ERGIC1: variants seen among roughly 807,000 people sequenced by gnomAD.
ERGIC1 encodes the protein endoplasmic reticulum-Golgi intermediate compartment protein 1.
In ERGIC1, 19 loss-of-function variants were observed where a neutral mutation model predicts 38.3. The ratio of observed to expected loss-of-function variants is 0.50; its 90% CI spans 0.35 to 0.73. The LOEUF is 0.73. ERGIC1 is among the 30% of genes least tolerant of loss of function. The pLI is 0.01. For synonymous variants in ERGIC1, 124 were observed against 157.6 expected (o/e 0.79, Z 1.60); for missense variants, 294 against 389.2 (o/e 0.76, Z 2.06).
At chr5:172,943,984 C>T (rs188277710) in intron 9 of ERGIC1, among the ~76,000 whole-genome samples, 99 of 152,318 alleles carry the variant, frequency 6.5e-4, no homozygotes, top group African/African-American at 2.2e-3. Flanking sequence ...ATTCTAGTCA[C>T]AGTGGAAGGC....
At chr5:172,923,561 G>A (rs571225049) in intron 5 of ERGIC1, among the ~76,000 whole-genome samples, 39 of 152,268 alleles carry the variant, frequency 2.6e-4, no homozygotes, top group African/African-American at 8.2e-4. Context: ...GGGATCCCCC[G>A]TCTAGGGCAC....
intron 3 of ERGIC1, chr5:172,898,174 T>G (rs772487126): frequency 9.6e-6 from 3 of 312,342 alleles, no homozygotes; most frequent in Non-Finnish European, 1.7e-5. Context: ...ATGGGATTTC[T>G]TGGTTTCCTT....
chr5:172,855,314 G>A (rs967480529), intron 1 of ERGIC1, among the ~76,000 whole-genome samples: 2 of 152,140 alleles, frequency 1.3e-5, no homozygotes, highest in East Asian at 1.9e-4. Flanking sequence ...GGTGCTCCAC[G>A]CCCCATACCT....
chr5:172,897,422 C>T (rs535290249), intron 3 of ERGIC1, among the ~76,000 whole-genome samples: 2 of 131,480 alleles, frequency 1.5e-5, no homozygotes, highest in South Asian at 4.9e-4. Flanking sequence ...AAGCAAGACC[C>T]TGTTTCAAAA....
chr5:172,877,128 C>T (rs371311056), intron 1 of ERGIC1, among the ~76,000 whole-genome samples: 1 of 152,102 alleles, frequency 6.6e-6, no homozygotes, highest in African/African-American at 2.4e-5. Flanking sequence ...TTCACAGTTG[C>T]TTTGGCTGTT....
chr5:172,842,338 A>G (rs192067867), intron 1 of ERGIC1, among the ~76,000 whole-genome samples: 1 of 152,334 alleles, frequency 6.6e-6, no homozygotes, highest in East Asian at 1.9e-4. Context: ...CACCAGTTTC[A>G]TCAATGGTGT....
At chr5:172,914,613 C>T in intron 4 of ERGIC1, 101 bp from the exon 5 acceptor site, 1 of 1,600,164 alleles carries the variant, frequency 6.2e-7, no homozygotes, top group Non-Finnish European at 8.5e-7. Flanking sequence ...GCCCGGCCTG[C>T]CCCTGCAATG....
intron 1 of ERGIC1, among the ~76,000 whole-genome samples, chr5:172,852,070 C>A (rs1761423378): frequency 6.6e-6 from 1 of 151,712 alleles, no homozygotes; most frequent in African/African-American, 2.4e-5. Flanking sequence ...AATGGGTGAA[C>A]CAGCCAAAAG....
At chr5:172,852,010 T>G (rs1359700559) in intron 1 of ERGIC1, among the ~76,000 whole-genome samples, 4 of 152,102 alleles carry the variant, frequency 2.6e-5, no homozygotes, top group Admixed American at 2.6e-4. Flanking sequence ...CAGGCCTGTG[T>G]CTGGAAATCC....
chr5:172,846,630 A>G lies in ERGIC1; in HGVS notation c.20+12197A>G, dbSNP rs1182139486. Among the ~76,000 whole-genome samples, 1 of 152,214 alleles carries G rather than the reference A, an allele frequency of 6.6e-6. No individual in the cohort carries two copies. The highest frequency in any genetic ancestry group is 2.4e-5 in the African/African-American group (1 of 41,452). On this transcript the variant is annotated intron_variant, in intron 1 of 9. Transcript: ENST00000393784. This position sits in a 1 kb window ranked among gnomAD's most constrained non-coding sequence, Gnocchi z 4.0. ...GTAAGAAGAGCCAATAAGAAGGGCT[A>G]TAGGAACCATGTCATAAGAGTAACC...
At position 172,893,925 on chromosome 5, in the gene ERGIC1, G is replaced by GA. The variant is rs1561721921; in HGVS notation, c.83-3077_83-3076insA. Among the ~76,000 whole-genome samples the GA allele has an allele frequency of 1.3e-4, 8 of 63,394 alleles. 1 individual carries two copies. The highest frequency in any genetic ancestry group is 4.7e-4 in the African/African-American group (8 of 17,100). 41.6% of individuals were successfully genotyped at this position (63,394 alleles called of 152,430 possible). A position where few individuals can be genotyped will look rare whatever the true frequency, so the allele number is the denominator to read the frequency against. On this transcript the variant is annotated intron_variant, in intron 2 of 9. Transcript: ENST00000393784. ...TATATATGTGTGTGTGTGTGTGTGTGTGTGTGTGTGTATATATATATATAT... is the reference window on the plus strand; with the variant it reads ...TATATATGTGTGTGTGTGTGTGTGTGATGTGTGTGTGTATATATATATATAT...
intron 7 of ERGIC1, chr5:172,931,084 C>A (rs1356377466): frequency 1.3e-5 from 2 of 152,130 alleles, no homozygotes; most frequent in African/African-American, 4.8e-5. Context: ...GCATTCCCAG[C>A]CTTCTTACAG....
intron 1 of ERGIC1, among the ~76,000 whole-genome samples, chr5:172,847,333 A>G (rs1049103028): frequency 6.6e-6 from 1 of 152,170 alleles, no homozygotes; most frequent in Non-Finnish European, 1.5e-5. Flanking sequence ...AGGAGAGGTC[A>G]GCAAATACAG....
chr5:172,928,255 C>T (rs142899171), intron 7 of ERGIC1, among the ~76,000 whole-genome samples: 52 of 152,230 alleles, frequency 3.4e-4, no homozygotes, highest in African/African-American at 1.2e-3. Context: ...GGGCTAGTGG[C>T]GAAAGCTATC....
At chr5:172,902,209 CCAAA>C (rs1357594656) in intron 3 of ERGIC1, among the ~76,000 whole-genome samples, 4 of 152,182 alleles carry the variant, frequency 2.6e-5, no homozygotes, top group African/African-American at 9.6e-5. Flanking sequence ...GGTGAGGTGG[CCAAA>C]CAGGCAGATG....
intron 9 of ERGIC1, among the ~76,000 whole-genome samples, chr5:172,939,627 C>T (rs1046684499): frequency 1.3e-4 from 20 of 152,256 alleles, no homozygotes; most frequent in African/African-American, 4.6e-4. Flanking sequence ...TCTGCTCAAG[C>T]GTGGGCTGGC....
chr5:172,938,167 A>G (rs1763927324), intron 9 of ERGIC1, among the ~76,000 whole-genome samples: 1 of 152,158 alleles, frequency 6.6e-6, no homozygotes, highest in Non-Finnish European at 1.5e-5. Flanking sequence ...TGAGCAAATG[A>G]TTTAACCCAA....
chr5:172,881,709 G>A (rs899756101), intron 1 of ERGIC1, among the ~76,000 whole-genome samples: 17 of 152,168 alleles, frequency 1.1e-4, no homozygotes, highest in African/African-American at 3.6e-4. Context: ...GATCTCTGCC[G>A]TGGCACTTCA....
At chr5:172,876,508 A>G (rs1206830843) in intron 1 of ERGIC1, among the ~76,000 whole-genome samples, 1 of 152,238 alleles carries the variant, frequency 6.6e-6, no homozygotes. Context: ...AAGTATCCTT[A>G]TGAACTCATG....
Sources: gnomAD v4.1 joint callset for allele counts (sites outside exome capture counted in the v4.1 genomes callset) on GRCh38, gnomAD v4.1.1 for gene constraint, Gnocchi (gnomAD v3.1) non-coding constraint, MANE v1.5 for transcripts, NCBI Gene and HGNC (gene_info 2026-07-23, HGNC 2026-07-21) for gene names.